Variants in PDCD2 observed in about 807,000 individuals in gnomAD.
PDCD2 encodes uS5 assembly chaperone PDCD2.
A neutral mutation model predicts 38.1 loss-of-function variants in PDCD2; 38 were observed. That is an observed-to-expected ratio of 1.00 (90% CI 0.77 to 1.31). The LOEUF (loss-of-function observed/expected upper bound fraction) is 1.31, where lower values mean the gene tolerates loss of function less well. Ranked by LOEUF, PDCD2 falls within the 50% of genes most tolerant of loss-of-function variation. The pLI, the probability that PDCD2 is intolerant of heterozygous loss-of-function variation, is 0.00. For synonymous variants in PDCD2, 205 were observed against 168.9 expected, an observed-to-expected ratio of 1.21 and a Z score of -1.66; for missense variants, 473 against 435.7, an observed-to-expected ratio of 1.09 and a Z score of -0.76.
At position 170,577,488 on chromosome 6, in the gene PDCD2, G is replaced by A. The variant is rs1779477472; in HGVS notation, c.*71C>T. 1 of 1,317,084 alleles carries A rather than the reference G, an allele frequency of 7.6e-7. No individual in the cohort carries two copies. Among genetic ancestry groups the A allele is most frequent in the South Asian group, 1.3e-5 (1 of 78,024 alleles). The allele number at this position is 1,317,084 out of a possible 1,614,324, so 81.6% of individuals were successfully genotyped here. A position where few individuals can be genotyped will look rare whatever the true frequency, so the allele number is the denominator to read the frequency against. ...TATTTTTGGTATAAGTATTTCCTTAGGATAAAATCCCAGAAATGGAATTGC... is the reference window on the plus strand; with the variant it reads ...TATTTTTGGTATAAGTATTTCCTTAAGATAAAATCCCAGAAATGGAATTGC... On this transcript the variant is annotated 3_prime_UTR_variant, in exon 6 of 6. Transcript: ENST00000541970.
At chr6:170,582,268 G>T in intron 3 of PDCD2, 1 of 1,484,816 alleles carries the variant, frequency 6.7e-7, no homozygotes, top group Non-Finnish European at 9.1e-7. Flanking sequence ...TTATATCCCT[G>T]TTATCAAGCA....
chr6:170,584,054 C>G, intron 1 of PDCD2: 1 of 516,136 alleles, frequency 1.9e-6, no homozygotes, highest in Non-Finnish European at 3.4e-6. Context: ...TAACACCATA[C>G]CTGGTACCCA....
chr6:170,575,516 T>C lies in PDCD2; in HGVS notation c.*2043A>G, dbSNP rs1053253089. 6.6e-6 allele frequency: 1 copy of C among 152,326 alleles called. No homozygotes were observed. Among genetic ancestry groups the C allele is most frequent in the African/African-American group, 2.4e-5 (1 of 41,576 alleles). 9.4% of individuals were successfully genotyped at this position (152,326 alleles called of 1,614,324 possible). Reference sequence around the variant, plus strand: ...CTGGCACCGTCTGTGGAGCCATGATTATGTAGGTGAGACTTGCTCATTATC... The same window carrying C: ...CTGGCACCGTCTGTGGAGCCATGATCATGTAGGTGAGACTTGCTCATTATC... On this transcript the variant is annotated 3_prime_UTR_variant, in exon 6 of 6. Coordinates refer to ENST00000541970, the MANE Select transcript of PDCD2 (RefSeq NM_002598.4).
At chr6:170,582,490 G>A (rs964148873) in intron 3 of PDCD2, 2 of 1,375,026 alleles carry the variant, frequency 1.5e-6, no homozygotes, top group Non-Finnish European at 9.5e-7. Flanking sequence ...CTTCAAAATG[G>A]GGCAGTTTCT....
At chr6:170,584,274 G>GT (rs2115020321) in intron 1 of PDCD2, 25 bp downstream of exon 1, 7 of 1,404,648 alleles carry the variant, frequency 5.0e-6, no homozygotes, top group East Asian at 5.5e-5. Context: ...GCATGGCCCC[G>GT]TCCCGACCCC....
intron 3 of PDCD2, chr6:170,581,005 G>A (rs968720407): frequency 1.3e-5 from 2 of 152,226 alleles, no homozygotes; most frequent in South Asian, 2.1e-4. Context: ...CAGTATAACC[G>A]TTAGGACACT....
chr6:170,580,214 T>C, intron 3 of PDCD2, 109 bp from the exon 4 acceptor site: 2 of 649,354 alleles, frequency 3.1e-6, no homozygotes, highest in South Asian at 1.8e-5. Context: ...CCCTATTTAT[T>C]CACTCATTCA....
chr6:170,582,268 G>C (rs2115015863), intron 3 of PDCD2: 1 of 1,484,816 alleles, frequency 6.7e-7, no homozygotes, highest in South Asian at 1.2e-5. Flanking sequence ...TTATATCCCT[G>C]TTATCAAGCA....
In PDCD2 at chr6:170,577,391, C is replaced by T; in HGVS notation, c.*168G>A. The T allele has an allele frequency of 1.7e-6, 1 of 591,774 alleles. No homozygotes were observed. Among genetic ancestry groups the T allele is most frequent in the Non-Finnish European group, 2.9e-6 (1 of 343,490 alleles). 36.7% of individuals were successfully genotyped at this position (591,774 alleles called of 1,614,324 possible). A position where few individuals can be genotyped will look rare whatever the true frequency, so the allele number is the denominator to read the frequency against. ...GATGTACCAAAATTTATTTAATTCCCTGTCACTGGACACTTTTGTTTCACT... is the reference window on the plus strand; with the variant it reads ...GATGTACCAAAATTTATTTAATTCCTTGTCACTGGACACTTTTGTTTCACT... On this transcript the variant is annotated 3_prime_UTR_variant, in exon 6 of 6. Coordinates refer to ENST00000541970, the MANE Select transcript of PDCD2 (RefSeq NM_002598.4).
chr6:170,582,407 C>T (rs1463997772), intron 3 of PDCD2: 3 of 1,474,970 alleles, frequency 2.0e-6, no homozygotes, highest in African/African-American at 2.8e-5. Context: ...TTGTGTATGG[C>T]TCAAGGCTCA....
At chr6:170,578,475 CCT>C (rs1240372195) in intron 5 of PDCD2, 8 of 602,304 alleles carry the variant, frequency 1.3e-5, no homozygotes, top group East Asian at 1.1e-4. Context: ...AGTAAAGACT[CCT>C]CTCATAAAGT....
chr6:170,579,945 TACTCATAAA>T, intron 4 of PDCD2, 48 bp downstream of exon 4: 1 of 885,084 alleles, frequency 1.1e-6, no homozygotes, highest in South Asian at 1.3e-5. Context: ...TTACAGATTA[TACTCATAAA>T]ACATGGCCTG....
At chr6:170,582,672 T>G (rs1318469047) in intron 3 of PDCD2, 1 of 1,205,774 alleles carries the variant, frequency 8.3e-7, no homozygotes, top group East Asian at 4.9e-5. Flanking sequence ...CAAAATTGTG[T>G]ATCTAAAACT....
At chr6:170,584,028 T>C (rs954046842) in intron 1 of PDCD2, 1 of 543,134 alleles carries the variant, frequency 1.8e-6, no homozygotes, top group African/African-American at 1.9e-5. Context: ...TCCAAGACAA[T>C]TTCTATTATC....
rs1421953451 is a variant in PDCD2 at position 170,578,927 on chromosome 6, C to T, written c.806G>A (p.Gly269Asp). The change falls in exon 5 of 6, where the codon GGT becomes GAT. Residue 269 changes from glycine (G) to aspartate (D), a missense_variant. Gly to Asp is a moderately conservative substitution (Grantham distance 94). Transcript: ENST00000541970. ...GRGIAPIWISGENIPQEKDIP... is the reference protein window; with the variant it reads ...GRGIAPIWISDENIPQEKDIP... The stretch of plus-strand genomic sequence containing the variant: ...ATCCTTTTCTTGAGGAATATTTTCA[C>T]CAGAAATCCAGATGGGGGCAATACC... 6.9e-6 allele frequency: 11 copies of T among 1,604,720 alleles called. No individual in the cohort carries two copies. Among genetic ancestry groups the T allele is most frequent in the Non-Finnish European group, 8.5e-6 (10 of 1,177,188 alleles).
At chr6:170,579,901 A>G (rs1404006955) in intron 4 of PDCD2, 101 bp downstream of exon 4, 40 of 698,156 alleles carry the variant, frequency 5.7e-5, no homozygotes, top group South Asian at 5.1e-4. Context: ...ATAGGCTCCT[A>G]AGGAACAGAC....
At position 170,584,428 on chromosome 6, in the gene PDCD2, C is replaced by A; in HGVS notation, c.154G>T (p.Glu52Ter). ...GLPGPQALAC[E>*]LCGRPLSFLL... ...AAGGAGAGCGGGCGGCCGCACAGCT[C>A]GCAGGCCAGGGCCTGGGGCCCCGGC... Residue 52 changes from glutamate (E) to a stop codon, truncating the protein, a stop_gained, in exon 1 of 6, where the codon GAG (glutamate) becomes TAG (stop). Transcript: ENST00000541970. LOFTEE classifies it high-confidence loss of function. 7.2e-7 allele frequency: 1 copy of A among 1,386,692 alleles called. No homozygotes were observed. The highest frequency in any genetic ancestry group is 1.8e-5 in the South Asian group (1 of 56,710). 85.9% of individuals were successfully genotyped at this position (1,386,692 alleles called of 1,614,324 possible). A position where few individuals can be genotyped will look rare whatever the true frequency, so the allele number is the denominator to read the frequency against.
In PDCD2 at chr6:170,583,039, A is replaced by C; in HGVS notation, c.658+18T>G. On this transcript the variant is annotated intron_variant, in intron 3 of 5. Transcript: ENST00000541970. ...TTATGTTTAACCACTTAATGAATGAAGTCCTGAAACTGCTTACCCATGCTC... is the reference window on the plus strand; with the variant it reads ...TTATGTTTAACCACTTAATGAATGACGTCCTGAAACTGCTTACCCATGCTC... The C allele has an allele frequency of 6.2e-7, 1 of 1,604,304 alleles. No individual in the cohort carries two copies. Among genetic ancestry groups the C allele is most frequent in the Non-Finnish European group, 8.5e-7 (1 of 1,177,348 alleles).
In PDCD2 at chr6:170,575,499, G is replaced by A. The variant is rs771182475; in HGVS notation, c.*2060C>T. 5 of 152,188 alleles carry A rather than the reference G, an allele frequency of 3.3e-5. No homozygotes were observed. Among genetic ancestry groups the A allele is most frequent in the South Asian group, 4.1e-4 (2 of 4,830 alleles). 9.4% of individuals were successfully genotyped at this position (152,188 alleles called of 1,614,324 possible). A position where few individuals can be genotyped will look rare whatever the true frequency, so the allele number is the denominator to read the frequency against. ...AATGGTGGATGCATGGACTGGCACC[G>A]TCTGTGGAGCCATGATTATGTAGGT... On this transcript the variant is annotated 3_prime_UTR_variant, in exon 6 of 6. Coordinates refer to ENST00000541970, the MANE Select transcript of PDCD2 (RefSeq NM_002598.4).
Sources: gnomAD v4.1 joint callset for allele counts on GRCh38, gnomAD v4.1.1 for gene constraint, MANE v1.5 for transcripts, NCBI Gene and HGNC (gene_info 2026-07-23, HGNC 2026-07-21) for gene names.